The following PLCG2 variants were observed in gnomAD, a reference collection of about 807,000 sequenced individuals.
PLCG2 encodes phospholipase C gamma 2.
PLCG2 carries 69 observed loss-of-function variants against 175.6 expected under a neutral mutation model. The ratio of observed to expected loss-of-function variants is 0.39; its 90% CI spans 0.32 to 0.48. The LOEUF (loss-of-function observed/expected upper bound fraction) is 0.48, where lower values mean the gene tolerates loss of function less well. PLCG2 is among the 20% of genes least tolerant of loss of function. The probability of loss-of-function intolerance (pLI) is 0.91; values close to 1 mark genes in which losing one functional copy is unlikely to be tolerated. For synonymous variants in PLCG2, 827 were observed against 624.0 expected (o/e 1.33, Z -4.85); for missense variants, 1,798 against 1,650.9 (o/e 1.09, Z -1.54).
chr16:81,848,552 G>T (rs1053839309), intron 2 of PLCG2, among the ~76,000 whole-genome samples: 1 of 152,040 alleles, frequency 6.6e-6, no homozygotes, highest in Non-Finnish European at 1.5e-5. Context: ...TTCTGTACCT[G>T]GTCTCTCTGT....
Position 81,908,608 on chromosome 16 carries a change from A to C in PLCG2, c.1733+17A>C. Reference sequence around the variant, plus strand: ...GTCCTTCTGGTAATGCCCCCGACCCAGGGAACGCCTACCTTCTTCTCCATG... The same window carrying C: ...GTCCTTCTGGTAATGCCCCCGACCCCGGGAACGCCTACCTTCTTCTCCATG... On this transcript the variant is annotated intron_variant, in intron 17 of 32. Coordinates refer to ENST00000564138, the MANE Select transcript of PLCG2 (RefSeq NM_002661.5). 6.3e-7 allele frequency: 1 copy of C among 1,592,438 alleles called. No homozygotes were observed. The highest frequency in any genetic ancestry group is 1.1e-5 in the South Asian group (1 of 87,628).
intron 2 of PLCG2, among the ~76,000 whole-genome samples, chr16:81,820,043 G>A (rs1485428166): frequency 6.6e-6 from 1 of 152,182 alleles, no homozygotes; most frequent in Non-Finnish European, 1.5e-5. Flanking sequence ...CTAGGATCTG[G>A]TTGCTTTTCT....
At position 81,740,106 on chromosome 16, in the gene PLCG2, C is replaced by G. The variant is rs192611724; in HGVS notation, c.-145+721C>G. Among the ~76,000 whole-genome samples the G allele has an allele frequency of 6.1e-5, 8 of 131,182 alleles. No homozygotes were observed. The East Asian group carries it at 1.4e-3, about 22-fold the overall frequency. 86.1% of individuals were successfully genotyped at this position (131,182 alleles called of 152,430 possible). A position where few individuals can be genotyped will look rare whatever the true frequency, so the allele number is the denominator to read the frequency against. On this transcript the variant is annotated intron_variant, in intron 1 of 5. Coordinates refer to the PLCG2 transcript ENST00000565054. ...TGAGCTGAGACAGCGCCAGTGCATA[C>G]CAGCCTGGGTAACAAAGCAAGACTC...
intron 7 of PLCG2, among the ~76,000 whole-genome samples, chr16:81,874,516 G>C (rs932008626): frequency 1.3e-5 from 2 of 152,166 alleles, no homozygotes; most frequent in African/African-American, 2.4e-5. Flanking sequence ...CCCCTAACCT[G>C]TTAGCAAATT....
chr16:81,818,765 G>T (rs1208989239), intron 2 of PLCG2, among the ~76,000 whole-genome samples: 1 of 151,978 alleles, frequency 6.6e-6, no homozygotes, highest in Admixed American at 6.6e-5. Flanking sequence ...GGGCTGCTGA[G>T]CCTGTCACTC....
intron 2 of PLCG2, among the ~76,000 whole-genome samples, chr16:81,802,685 C>T (rs1316342281): frequency 6.6e-6 from 1 of 152,022 alleles, no homozygotes; most frequent in African/African-American, 2.4e-5. Context: ...AATTCTCATG[C>T]CTCAGCCTCC....
chr16:81,905,556 C>T lies in PLCG2; in HGVS notation c.1467+49C>T, dbSNP rs762033422. The T allele has an allele frequency of 1.9e-5, 24 of 1,234,620 alleles. No individual in the cohort carries two copies. In the East Asian group the frequency reaches 5.6e-4, roughly 29 times the overall value. 76.5% of individuals were successfully genotyped at this position (1,234,620 alleles called of 1,614,324 possible). A position where few individuals can be genotyped will look rare whatever the true frequency, so the allele number is the denominator to read the frequency against. ...GCCACTGCGGCCACGCCCCTTGCAG[C>T]TGCTTCTTGGAGCCCTGCTGGGAGC... On this transcript the variant is annotated intron_variant, in intron 15 of 32. Coordinates refer to ENST00000564138, the MANE Select transcript of PLCG2 (RefSeq NM_002661.5).
chr16:81,946,294 C>T (rs755961257), intron 31 of PLCG2, 31 bp downstream of exon 31: 35 of 1,506,428 alleles, frequency 2.3e-5, no homozygotes, highest in Non-Finnish European at 3.0e-5. Flanking sequence ...TAAGGGTTCC[C>T]TGAGCTATGC....
intron 5 of PLCG2, among the ~76,000 whole-genome samples, chr16:81,863,760 C>T (rs1192483159): frequency 1.3e-5 from 2 of 152,228 alleles, no homozygotes; most frequent in African/African-American, 2.4e-5. Context: ...GCCCCCTTGG[C>T]GTATAACATT....
intron 2 of PLCG2, among the ~76,000 whole-genome samples, chr16:81,794,808 A>G (rs958772424): frequency 2.0e-5 from 3 of 152,204 alleles, no homozygotes; most frequent in African/African-American, 7.2e-5. Context: ...GGATGGGATA[A>G]ATACTACATT....
At position 81,910,514 on chromosome 16, in the gene PLCG2, C is replaced by A; in HGVS notation, c.1734-6C>A. 6.2e-7 allele frequency: 1 copy of A among 1,613,580 alleles called. No individual in the cohort carries two copies. Among genetic ancestry groups the A allele is most frequent in the Non-Finnish European group, 8.5e-7 (1 of 1,179,868 alleles). On this transcript the variant is annotated splice_polypyrimidine_tract_variant and splice_region_variant and intron_variant, in intron 17 of 32. Transcript: ENST00000564138. ...TCCCAGCACTGATGGCGTCCTCTCC[C>A]CGCAGGCGGTCAGGCCGGGTCCAGC...
chr16:81,791,689 C>T (rs12598676), intron 2 of PLCG2, among the ~76,000 whole-genome samples: 120,764 of 152,188 alleles, frequency 0.79, 48,128 homozygotes, highest in East Asian at 0.98. Flanking sequence ...CTCAGCCCCC[C>T]GAGTAGCTGG....
intron 1 of PLCG2, among the ~76,000 whole-genome samples, chr16:81,754,936 A>G (rs919644206): frequency 3.0e-4 from 46 of 152,188 alleles, no homozygotes; most frequent in Non-Finnish European, 5.6e-4. Flanking sequence ...CAAAAAGGGA[A>G]TGGTGCAAAG....
intron 7 of PLCG2, among the ~76,000 whole-genome samples, chr16:81,871,316 T>C (rs955284731): frequency 4.6e-5 from 7 of 152,194 alleles, no homozygotes; most frequent in East Asian, 1.9e-4. Flanking sequence ...TGAGGAATTA[T>C]ATATATGTTT....
In PLCG2 at chr16:81,960,418, T is replaced by G. The variant is rs1260370779; in HGVS notation, c.*2420T>G. On this transcript the variant is annotated 3_prime_UTR_variant, in exon 33 of 33. Transcript: ENST00000564138. Reference sequence around the variant, plus strand: ...GATAGATCAAAACCACCACTGCATATGTATTACACTGTTTTTGTTCACCAT... The same window carrying G: ...GATAGATCAAAACCACCACTGCATAGGTATTACACTGTTTTTGTTCACCAT... 4 of 226,028 alleles carry G rather than the reference T, an allele frequency of 1.8e-5. No individual in the cohort carries two copies. The East Asian group carries it at 2.6e-4, about 14-fold the overall frequency. The allele number at this position is 226,028 out of a possible 1,614,324, so 14.0% of individuals were successfully genotyped here. A position where few individuals can be genotyped will look rare whatever the true frequency, so the allele number is the denominator to read the frequency against.
chr16:81,850,516 C>G (rs1906352549), intron 2 of PLCG2, among the ~76,000 whole-genome samples: 1 of 152,094 alleles, frequency 6.6e-6, no homozygotes, highest in African/African-American at 2.4e-5. Context: ...CTTGGGCTCT[C>G]AGTGTGATAG....
At chr16:81,900,495 G>GC in intron 13 of PLCG2, 117 bp from the exon 14 acceptor site, 2 of 827,770 alleles carry the variant, frequency 2.4e-6, no homozygotes. Context: ...TGGGGGTTGT[G>GC]CCCCCCGAGC....
upstream of PLCG2, among the ~76,000 whole-genome samples, chr16:81,774,665 C>T (rs1180629453): frequency 6.6e-6 from 1 of 151,822 alleles, no homozygotes; most frequent in Non-Finnish European, 1.5e-5. Flanking sequence ...GGCGGTGGAC[C>T]TCAGCCTGGT....
upstream of PLCG2, among the ~76,000 whole-genome samples, chr16:81,774,502 C>T (rs985249672): frequency 1.3e-5 from 2 of 152,194 alleles, no homozygotes; most frequent in Non-Finnish European, 1.5e-5. Context: ...AGAGGCCTGC[C>T]AGCCAGCAGC....
Sources: allele counts gnomAD v4.1 joint callset (sites outside exome capture counted in the v4.1 genomes callset), GRCh38; gene constraint gnomAD v4.1.1; transcripts MANE v1.5; gene names NCBI Gene and HGNC (gene_info 2026-07-23, HGNC 2026-07-21).